The following VPS13B variants were observed in gnomAD, a reference collection of about 807,000 sequenced individuals.
The protein encoded by VPS13B is vacuolar protein sorting 13 homolog B.
A neutral mutation model predicts 426.4 loss-of-function variants in VPS13B; 285 were observed. The ratio of observed to expected loss-of-function variants is 0.67; its 90% CI spans 0.61 to 0.74. VPS13B has a LOEUF of 0.74. VPS13B is among the 30% of genes least tolerant of loss of function. VPS13B has a pLI of 0.00. For synonymous variants in VPS13B, 1,676 were observed against 1,676.4 expected (o/e 1.00, Z 0.01); for missense variants, 4,537 against 4,782.6 (o/e 0.95, Z 1.51).
At chr8:99,426,099 TC>T (rs1816691571) in intron 21 of VPS13B, among the ~76,000 whole-genome samples, 2 of 136,948 alleles carry the variant, frequency 1.5e-5, no homozygotes, top group African/African-American at 5.5e-5. Context: ...AGTGTGATAT[TC>T]CCCTTCCTGT....
intron 17 of VPS13B, among the ~76,000 whole-genome samples, chr8:99,235,413 T>C (rs1290512423): frequency 6.6e-6 from 1 of 152,188 alleles, no homozygotes; most frequent in East Asian, 1.9e-4. Flanking sequence ...TTGCCGCAGC[T>C]TAGTAGTGTG....
intron 2 of VPS13B, among the ~76,000 whole-genome samples, chr8:99,032,532 C>CTT (rs372714195): frequency 1.1e-4 from 15 of 135,620 alleles, no homozygotes; most frequent in East Asian, 2.1e-4. Flanking sequence ...TCTTTCTTTT[C>CTT]TTTTTTTTTT....
chr8:99,839,219 T>A (rs1283308235), intron 54 of VPS13B, among the ~76,000 whole-genome samples: 1 of 152,200 alleles, frequency 6.6e-6, no homozygotes, highest in East Asian at 1.9e-4. Context: ...TAGCAGACAT[T>A]CGTAGTCGGG....
At chr8:99,102,313 G>A (rs1181381923) in intron 4 of VPS13B, among the ~76,000 whole-genome samples, 6 of 151,566 alleles carry the variant, frequency 4.0e-5, no homozygotes, top group Non-Finnish European at 4.4e-5. Flanking sequence ...CTTCTTCATG[G>A]TAGTATTTTA....
chr8:99,791,741 A>C (rs1003061293), intron 43 of VPS13B, among the ~76,000 whole-genome samples: 2 of 151,686 alleles, frequency 1.3e-5, no homozygotes, highest in Non-Finnish European at 2.9e-5. Context: ...AAAAAAAAAA[A>C]AACTACCTGA....
At chr8:99,591,274 C>T (rs1261904193) in intron 33 of VPS13B, among the ~76,000 whole-genome samples, 2 of 150,654 alleles carry the variant, frequency 1.3e-5, no homozygotes, top group African/African-American at 4.9e-5. Context: ...CTGATGAATC[C>T]AGCACATTGA....
intron 19 of VPS13B, 89 bp downstream of exon 19, chr8:99,275,343 T>A: frequency 7.6e-7 from 1 of 1,310,984 alleles, no homozygotes; most frequent in Non-Finnish European, 1.0e-6. Flanking sequence ...ATATTTTTTT[T>A]TTTTTAGGTA....
intron 3 of VPS13B, among the ~76,000 whole-genome samples, chr8:99,069,795 G>T (rs556575507): frequency 1.3e-5 from 2 of 152,184 alleles, no homozygotes; most frequent in South Asian, 4.2e-4. Context: ...ACTTTAGAGC[G>T]CATATAGTTT....
intron 57 of VPS13B, among the ~76,000 whole-genome samples, chr8:99,859,883 G>T (rs1283932975): frequency 6.6e-6 from 1 of 152,138 alleles, no homozygotes. Context: ...TAAGGATATG[G>T]ATACATTCTG....
chr8:99,834,568 G>T (rs1455952854), intron 52 of VPS13B, among the ~76,000 whole-genome samples: 1 of 150,692 alleles, frequency 6.6e-6, no homozygotes, highest in Admixed American at 6.7e-5. Context: ...ACAGGGTCTT[G>T]CTCTGTCACC....
chr8:99,593,707 C>G (rs1015659631), intron 33 of VPS13B, among the ~76,000 whole-genome samples: 2 of 151,936 alleles, frequency 1.3e-5, no homozygotes, highest in Admixed American at 1.3e-4. Flanking sequence ...TAAGTATACA[C>G]CATGGAATAG....
intron 36 of VPS13B, among the ~76,000 whole-genome samples, chr8:99,716,707 A>T (rs1427731674): frequency 2.0e-5 from 3 of 152,170 alleles, no homozygotes; most frequent in African/African-American, 7.2e-5. Flanking sequence ...AACACACGTT[A>T]TATATTTTGA....
intron 29 of VPS13B, among the ~76,000 whole-genome samples, chr8:99,518,542 C>CA: frequency 6.6e-6 from 1 of 152,172 alleles, no homozygotes; most frequent in Non-Finnish European, 1.5e-5. Context: ...GATAGTTCAT[C>CA]TCTTTTTTTC....
At chr8:99,646,644 C>T (rs1829587413) in intron 34 of VPS13B, among the ~76,000 whole-genome samples, 2 of 152,142 alleles carry the variant, frequency 1.3e-5, no homozygotes, top group African/African-American at 4.8e-5. Flanking sequence ...CTCCAAATCT[C>T]ATCTTGAAAT....
chr8:99,072,075 T>G (rs1844881347), intron 3 of VPS13B, among the ~76,000 whole-genome samples: 1 of 152,040 alleles, frequency 6.6e-6, no homozygotes, highest in African/African-American at 2.4e-5. Context: ...GATTTTGTGG[T>G]TGAGCTGGTG....
chr8:99,093,903 G>A (rs544783151), intron 3 of VPS13B: 7 of 152,026 alleles, frequency 4.6e-5, no homozygotes, highest in African/African-American at 4.8e-5. Context: ...GGAAGAAGTC[G>A]AATCTCTGAA....
intron 39 of VPS13B, among the ~76,000 whole-genome samples, chr8:99,739,243 G>A (rs1297189544): frequency 2.0e-5 from 3 of 152,222 alleles, no homozygotes; most frequent in African/African-American, 2.4e-5. Context: ...AGCAGTCTGA[G>A]ATCAAACTGC....
rs1812204471 is a variant in VPS13B at position 99,356,755 on chromosome 8, G to A, written c.2825-27453G>A. 2.0e-5 allele frequency among the ~76,000 whole-genome samples: 3 copies of A among 152,108 alleles called. No homozygotes were observed. The South Asian group carries it at 6.2e-4, about 32-fold the overall frequency. On this transcript the variant is annotated intron_variant, in intron 19 of 61. Coordinates refer to ENST00000357162, the MANE Select transcript of VPS13B (RefSeq NM_152564.5). ...TTTACTACATGTACTATCCAACGAT[G>A]GAAGTTAAAATTAATTACTTTGGAG...
At chr8:99,526,195 T>A (rs1370019330) in intron 30 of VPS13B, among the ~76,000 whole-genome samples, 1 of 152,076 alleles carries the variant, frequency 6.6e-6, no homozygotes, top group Non-Finnish European at 1.5e-5. Flanking sequence ...GAGTCACAAT[T>A]AAGAACAAAT....
Sources: gnomAD v4.1 joint callset for allele counts (sites outside exome capture counted in the v4.1 genomes callset) on GRCh38, gnomAD v4.1.1 for gene constraint, MANE v1.5 for transcripts, NCBI Gene and HGNC (gene_info 2026-07-23, HGNC 2026-07-21) for gene names.